Variants in DLX3 observed in about 807,000 individuals in gnomAD.
The protein encoded by DLX3 is distal-less homeobox 3.
DLX3 carries 9 observed loss-of-function variants against 28.0 expected under a neutral mutation model. The observed-to-expected ratio is 0.32, with a 90% CI of 0.19 to 0.56. DLX3 has a LOEUF of 0.56. DLX3 is among the 20% of genes least tolerant of loss of function. The pLI is 0.91. For missense variants in DLX3, 313 were observed against 378.2 expected (o/e 0.83, Z 1.43); for synonymous variants, 154 against 167.9 (o/e 0.92, Z 0.64).
At position 49,990,250 on chromosome 17, in the gene DLX3, G is replaced by A. The variant is rs1906039515; in HGVS notation, c.*1267C>T. On this transcript the variant is annotated 3_prime_UTR_variant, in exon 3 of 3. Coordinates refer to ENST00000434704, the MANE Select transcript of DLX3 (RefSeq NM_005220.3). Reference sequence around the variant, plus strand: ...CAGGAGGAACATGGCCACATAAATAGGAAACCGCAGCAGGGAGGAGGCTGC... The same window carrying A: ...CAGGAGGAACATGGCCACATAAATAAGAAACCGCAGCAGGGAGGAGGCTGC... 6.6e-6 allele frequency: 1 copy of A among 151,194 alleles called. No homozygotes were observed. Among genetic ancestry groups the A allele is most frequent in the African/African-American group, 2.4e-5 (1 of 41,188 alleles). The allele number at this position is 151,194 out of a possible 1,614,324, so 9.4% of individuals were successfully genotyped here.
rs1218779152 is a variant in DLX3 at position 49,991,460 on chromosome 17, A to G, written c.*57T>C. On this transcript the variant is annotated 3_prime_UTR_variant, in exon 3 of 3. Coordinates refer to ENST00000434704, the MANE Select transcript of DLX3 (RefSeq NM_005220.3). ...GATGATTCCTGAGTGGCTAGGACGG[A>G]GGCGCCTTCTGCCTGGTCCTGGGGT... is the stretch of plus-strand genomic sequence containing the variant. 1.4e-6 allele frequency: 2 copies of G among 1,439,198 alleles called. No individual in the cohort carries two copies. Among genetic ancestry groups the G allele is most frequent in the African/African-American group, 2.8e-5 (2 of 71,554 alleles). 89.2% of individuals were successfully genotyped at this position (1,439,198 alleles called of 1,614,324 possible).
chr17:49,993,647 T>G, intron 1 of DLX3, 57 bp from the exon 2 acceptor site: 1 of 1,583,512 alleles, frequency 6.3e-7, no homozygotes, highest in Non-Finnish European at 8.6e-7. Flanking sequence ...CTGCGACTCC[T>G]GCGACCCTCC....
chr17:49,992,260 G>A (rs1234071783), intron 2 of DLX3, among the ~76,000 whole-genome samples: 4 of 152,246 alleles, frequency 2.6e-5, no homozygotes, highest in East Asian at 3.9e-4. Flanking sequence ...ATAAAAGGCC[G>A]TTGAGGTGGG....
chr17:49,993,701 G>A (rs1274914084), intron 1 of DLX3, 111 bp from the exon 2 acceptor site: 3 of 1,295,912 alleles, frequency 2.3e-6, no homozygotes, highest in East Asian at 2.8e-5. Flanking sequence ...CCGACTCGCC[G>A]CGGGATTCCC....
intron 2 of DLX3, among the ~76,000 whole-genome samples, chr17:49,993,154 G>A (rs1906151653): frequency 6.6e-6 from 1 of 152,234 alleles, no homozygotes; most frequent in African/African-American, 2.4e-5. Context: ...GCACTGCTGG[G>A]GGACTTGGGA....
Position 49,994,873 on chromosome 17 carries a change from G to A in DLX3, c.126C>T (p.Tyr42=). 6.2e-7 allele frequency: 1 copy of A among 1,614,258 alleles called. No individual in the cohort carries two copies. Among genetic ancestry groups the A allele is most frequent in the Non-Finnish European group, 8.5e-7 (1 of 1,180,052 alleles). ...AGTAATCGTGCTGGGGAGCGCTGTA[G>A]TAGCCCAGGTCAGTGACAGAAGACT... ...LPESSVTDLG[Y]YSAPQHDYYS... Residue 42 remains tyrosine, a synonymous_variant, in exon 1 of 3, where the codon TAC becomes TAT. Transcript: ENST00000434704.
chr17:49,991,823 T>C lies in DLX3; in HGVS notation c.558A>G (p.Lys186=), dbSNP rs1031133962. The C allele has an allele frequency of 6.2e-7, 1 of 1,613,660 alleles. No homozygotes were observed. The highest frequency in any genetic ancestry group is 1.3e-5 in the African/African-American group (1 of 74,740). ...GCGGCACCTCCCCGTTCTTGTAGAG[T>C]TTCTTGAACTTGGAACGGCGGTTCT... ...WFQNRRSKFK[K]LYKNGEVPLE... Residue 186 remains lysine, a synonymous_variant, in exon 3 of 3, where the codon AAA becomes AAG. Coordinates refer to ENST00000434704, the MANE Select transcript of DLX3 (RefSeq NM_005220.3).
chr17:49,994,564 C>A, intron 1 of DLX3, 110 bp downstream of exon 1: 8 of 1,289,342 alleles, frequency 6.2e-6, no homozygotes, highest in Non-Finnish European at 8.7e-6. Flanking sequence ...TAACTCCAGA[C>A]AGTACTTTTC....
chr17:49,991,218 T>G lies in DLX3; in HGVS notation c.*299A>C. 4 of 389,840 alleles carry G rather than the reference T, an allele frequency of 1.0e-5. No individual in the cohort carries two copies. Among genetic ancestry groups the G allele is most frequent in the East Asian group, 4.3e-5 (1 of 23,360 alleles). 24.1% of individuals were successfully genotyped at this position (389,840 alleles called of 1,614,324 possible). A position where few individuals can be genotyped will look rare whatever the true frequency, so the allele number is the denominator to read the frequency against. On this transcript the variant is annotated 3_prime_UTR_variant, in exon 3 of 3. Transcript: ENST00000434704. ...TAAGAAGCTGGAAGATGATGAGCCA[T>G]TTAAAGCCAATCCAGGCTCCTGGAG...
rs576319593 is a variant in DLX3, at chr17:49,995,094, T to C, written c.-96A>G. ...GCGGAAGAGACGAGGCAGGGGTGTGTGTCCAGAAGGCGAAGGGAGGACCCG... is the reference window on the plus strand; with the variant it reads ...GCGGAAGAGACGAGGCAGGGGTGTGCGTCCAGAAGGCGAAGGGAGGACCCG... On this transcript the variant is annotated 5_prime_UTR_variant, in exon 1 of 3. Transcript: ENST00000434704. The C allele has an allele frequency of 6.8e-7, 1 of 1,472,752 alleles. No homozygotes were observed. The highest frequency in any genetic ancestry group is 9.2e-7 in the Non-Finnish European group (1 of 1,088,268). 91.2% of individuals were successfully genotyped at this position (1,472,752 alleles called of 1,614,324 possible).
intron 1 of DLX3, among the ~76,000 whole-genome samples, chr17:49,993,935 C>T (rs1315372343): frequency 6.6e-6 from 1 of 152,098 alleles, no homozygotes; most frequent in Non-Finnish European, 1.5e-5. Context: ...GCTAGCCGCC[C>T]CCTTCCCAGT....
At chr17:49,993,360 T>G (rs886771166) in intron 2 of DLX3, 40 bp downstream of exon 2, 1 of 1,490,540 alleles carries the variant, frequency 6.7e-7, no homozygotes. Flanking sequence ...AACTACGGGG[T>G]CCCGCGCGCC....
Position 49,994,731 on chromosome 17 carries a change from C to T in DLX3, c.268G>A (p.Ala90Thr). The T allele has an allele frequency of 1.2e-6, 2 of 1,614,198 alleles. No individual in the cohort carries two copies. The highest frequency in any genetic ancestry group is 1.7e-6 in the Non-Finnish European group (2 of 1,180,032). ...YSPKSEYTYG[A>T]SYRQYGAYRE... ...TACGCCCCGTATTGCCGGTAGGAGG[C>T]TCCGTAGGTATATTCCGACTTGGGC... The change falls in exon 1 of 3, where the codon GCC becomes ACC. Residue 90 changes from alanine (A) to threonine (T), a missense_variant. Transcript: ENST00000434704.
rs745899581 is a variant in DLX3 at position 49,993,418 on chromosome 17, C to T, written c.498G>A (p.Leu166=). The T allele has an allele frequency of 5.0e-6, 8 of 1,606,480 alleles. No homozygotes were observed. In the African/African-American group the frequency reaches 5.3e-5, roughly 11 times the overall value. Residue 166 remains leucine, a synonymous_variant, in exon 2 of 3, where the codon CTG becomes CTA. Coordinates refer to ENST00000434704, the MANE Select transcript of DLX3 (RefSeq NM_005220.3). ...CACCAACCTGTGTCTGCGTGAGGCC[C>T]AGCTGCGCGGCCAGCTCGGCGCGCT... ...LPERAELAAQ[L]GLTQTQVKIW...
In DLX3 at chr17:49,991,458, G is replaced by A. The variant is rs1037809104; in HGVS notation, c.*59C>T. ...TCGATGATTCCTGAGTGGCTAGGAC[G>A]GAGGCGCCTTCTGCCTGGTCCTGGG... On this transcript the variant is annotated 3_prime_UTR_variant, in exon 3 of 3. Coordinates refer to ENST00000434704, the MANE Select transcript of DLX3 (RefSeq NM_005220.3). 32 of 1,427,974 alleles carry A rather than the reference G, an allele frequency of 2.2e-5. 1 individual carries two copies. In the South Asian group the frequency reaches 3.1e-4, roughly 14 times the overall value. 88.5% of individuals were successfully genotyped at this position (1,427,974 alleles called of 1,614,324 possible).
rs983716938 is a variant in DLX3 at position 49,990,288 on chromosome 17, C to A, written c.*1229G>T. 1.3e-4 allele frequency: 19 copies of A among 146,092 alleles called. No individual in the cohort carries two copies. The highest frequency in any genetic ancestry group is 4.5e-4 in the African/African-American group (18 of 39,774). The allele number at this position is 146,092 out of a possible 1,614,324, so 9.0% of individuals were successfully genotyped here. On this transcript the variant is annotated 3_prime_UTR_variant, in exon 3 of 3. Coordinates refer to ENST00000434704, the MANE Select transcript of DLX3 (RefSeq NM_005220.3). ...GGGAGGAGGCTGCTTCTCTCTGTTG[C>A]TCTTAAAAAAAAAAAACTTACTATA...
chr17:49,995,087 G>T lies in DLX3; in HGVS notation c.-89C>A. Reference sequence around the variant, plus strand: ...GAGAGAGGCGGAAGAGACGAGGCAGGGGTGTGTGTCCAGAAGGCGAAGGGA... The same window carrying T: ...GAGAGAGGCGGAAGAGACGAGGCAGTGGTGTGTGTCCAGAAGGCGAAGGGA... On this transcript the variant is annotated 5_prime_UTR_variant, in exon 1 of 3. Transcript: ENST00000434704. The T allele has an allele frequency of 6.7e-7, 1 of 1,500,286 alleles. No individual in the cohort carries two copies. 92.9% of individuals were successfully genotyped at this position (1,500,286 alleles called of 1,614,324 possible). A position where few individuals can be genotyped will look rare whatever the true frequency, so the allele number is the denominator to read the frequency against.
chr17:49,992,944 G>A (rs192088849), intron 2 of DLX3, among the ~76,000 whole-genome samples: 1 of 152,286 alleles, frequency 6.6e-6, no homozygotes, highest in East Asian at 1.9e-4. Context: ...TACATTCAGG[G>A]CGCACAGTCA....
At chr17:49,994,024 CTT>C (rs1906194897) in intron 1 of DLX3, among the ~76,000 whole-genome samples, 1 of 152,090 alleles carries the variant, frequency 6.6e-6, no homozygotes, top group South Asian at 2.1e-4. Context: ...TTTAGAATCT[CTT>C]TAGATTTTCA....
Sources: gnomAD v4.1 joint callset for allele counts (sites outside exome capture counted in the v4.1 genomes callset) on GRCh38, gnomAD v4.1.1 for gene constraint, MANE v1.5 for transcripts, NCBI Gene and HGNC (gene_info 2026-07-23, HGNC 2026-07-21) for gene names.